RASA1: variants seen among roughly 807,000 people sequenced by gnomAD.
RASA1 encodes the protein ras GTPase-activating protein 1.
In RASA1, 25 loss-of-function variants were observed where a neutral mutation model predicts 132.2. The observed-to-expected ratio is 0.19, with a 90% confidence interval of 0.14 to 0.26. The LOEUF is 0.26. Ranked by LOEUF, RASA1 falls within the 10% of genes least tolerant of loss-of-function variation. RASA1 has a pLI of 1.00. For synonymous variants in RASA1, 477 were observed against 449.9 expected, an observed-to-expected ratio of 1.06 and a Z score of -0.76; for missense variants, 964 against 1,299.2, an observed-to-expected ratio of 0.74 and a Z score of 3.97.
rs377157069 is a variant in RASA1, at chr5:87,269,626, A to G, written c.539+636A>G. 2.6e-5 allele frequency among the ~76,000 whole-genome samples: 4 copies of G among 152,326 alleles called. No individual in the cohort carries two copies. In the South Asian group the frequency reaches 8.3e-4, roughly 32 times the overall value. ...ATGTATCTTCTTCCATAGGCTTGCCACTTAATATTAACGCACTGCTTTTAT... is the reference window on the plus strand; with the variant it reads ...ATGTATCTTCTTCCATAGGCTTGCCGCTTAATATTAACGCACTGCTTTTAT... On this transcript the variant is annotated intron_variant, in intron 1 of 24. Coordinates refer to ENST00000274376, the MANE Select transcript of RASA1 (RefSeq NM_002890.3).
intron 1 of RASA1, among the ~76,000 whole-genome samples, chr5:87,270,052 G>C (rs1189821950): frequency 6.6e-6 from 1 of 151,894 alleles, no homozygotes; most frequent in African/African-American, 2.4e-5. Context: ...GACCAACCTG[G>C]CCAACCTGGT....
chr5:87,276,586 A>G (rs572337262), intron 1 of RASA1, among the ~76,000 whole-genome samples: 2 of 152,292 alleles, frequency 1.3e-5, no homozygotes, highest in South Asian at 2.1e-4. Context: ...GGGAAATAAG[A>G]TGATAAAAGT....
chr5:87,374,410 G>A, intron 14 of RASA1, 90 bp downstream of exon 14: 1 of 1,076,158 alleles, frequency 9.3e-7, no homozygotes. Context: ...TAAACCATCA[G>A]AACAAGGTAC....
chr5:87,316,307 T>G (rs998373147), intron 1 of RASA1, among the ~76,000 whole-genome samples: 7 of 152,176 alleles, frequency 4.6e-5, no homozygotes, highest in Non-Finnish European at 1.0e-4. Flanking sequence ...GAGGGCCAGT[T>G]GGTTTCAGAA....
chr5:87,308,403 A>G (rs1561269796), intron 1 of RASA1, among the ~76,000 whole-genome samples: 2 of 152,100 alleles, frequency 1.3e-5, no homozygotes, highest in Admixed American at 6.5e-5. Context: ...GGATGATTTA[A>G]ACAGACTGAT....
At chr5:87,361,672 T>A (rs1760103285) in intron 9 of RASA1, among the ~76,000 whole-genome samples, 1 of 152,180 alleles carries the variant, frequency 6.6e-6, no homozygotes, top group South Asian at 2.1e-4. Context: ...TTAATGTAAG[T>A]TCTGCTATAA....
At chr5:87,280,604 C>T (rs982263492) in intron 1 of RASA1, among the ~76,000 whole-genome samples, 4 of 152,180 alleles carry the variant, frequency 2.6e-5, no homozygotes, top group Admixed American at 6.5e-5. Flanking sequence ...TGAGCCACCT[C>T]GCCCAGCTTG....
At chr5:87,306,238 C>A (rs1755603651) in intron 1 of RASA1, among the ~76,000 whole-genome samples, 1 of 152,098 alleles carries the variant, frequency 6.6e-6, no homozygotes, top group Non-Finnish European at 1.5e-5. Flanking sequence ...CAATAATAGA[C>A]TGGATAAAGA....
At chr5:87,326,272 C>T (rs1757223548) in intron 1 of RASA1, among the ~76,000 whole-genome samples, 1 of 152,102 alleles carries the variant, frequency 6.6e-6, no homozygotes, top group Non-Finnish European at 1.5e-5. Context: ...CGCCTGGCCA[C>T]AGCACACATT....
chr5:87,372,055 CTGA>C, intron 12 of RASA1, 60 bp from the exon 13 acceptor site: 1 of 1,350,726 alleles, frequency 7.4e-7, no homozygotes, highest in Non-Finnish European at 1.0e-6. Context: ...AAAAACCTAA[CTGA>C]TGATTTGGAA....
chr5:87,287,762 G>GCCATATATATACACA (rs1274790274), intron 1 of RASA1, among the ~76,000 whole-genome samples: 3,832 of 83,806 alleles, frequency 0.046, 1,115 homozygotes, highest in African/African-American at 0.053. Flanking sequence ...TTATGTACAC[G>GCCATATATATACACA]CCATAGATAT....
At position 87,372,141 on chromosome 5, in the gene RASA1, A is replaced by G. The variant is rs200157130; in HGVS notation, c.1722A>G (p.Ala574=). 5.3e-5 allele frequency: 86 copies of G among 1,613,658 alleles called. No individual in the cohort carries two copies. In the Middle Eastern group the frequency reaches 1.2e-3, roughly 22 times the overall value. ...AGGATTGGATGAAAGGTCTGCAGGC[A>G]TTTTGCAATTTACGGAAAAGTAGTC... ...QAEDWMKGLQ[A]FCNLRKSSPG... Residue 574 remains alanine, a synonymous_variant, in exon 13 of 25, where the codon GCA becomes GCG. Transcript: ENST00000274376.
At chr5:87,277,593 G>T (rs77705264) in intron 1 of RASA1, among the ~76,000 whole-genome samples, 111 of 152,270 alleles carry the variant, frequency 7.3e-4, no homozygotes, top group Middle Eastern at 3.4e-3. Context: ...CCAGCATGCA[G>T]AACTGTGAAA....
At chr5:87,292,106 C>G (rs573566081) in intron 1 of RASA1, among the ~76,000 whole-genome samples, 27 of 152,168 alleles carry the variant, frequency 1.8e-4, no homozygotes, top group African/African-American at 6.0e-4. Context: ...TATTTTTCTC[C>G]CAGTCTATGG....
intron 1 of RASA1, among the ~76,000 whole-genome samples, chr5:87,302,346 C>G (rs193260791): frequency 6.6e-6 from 1 of 151,988 alleles, no homozygotes; most frequent in Non-Finnish European, 1.5e-5. Context: ...TCTATAACCT[C>G]TTTCATGAAG....
intron 13 of RASA1, 31 bp from the exon 14 acceptor site, chr5:87,374,132 A>AATAT (rs145638178): frequency 1.1e-5 from 13 of 1,211,384 alleles, no homozygotes; most frequent in Admixed American, 3.6e-5. Flanking sequence ...AATCTGGGGT[A>AATAT]ATATATATAT....
chr5:87,376,765 C>T, intron 16 of RASA1, 116 bp from the exon 17 acceptor site: 1 of 1,225,662 alleles, frequency 8.2e-7, no homozygotes, highest in Non-Finnish European at 1.2e-6. Flanking sequence ...TAAATTTATT[C>T]AATGGGACAT....
chr5:87,309,827 A>G (rs1446358190), intron 1 of RASA1, among the ~76,000 whole-genome samples: 1 of 152,080 alleles, frequency 6.6e-6, no homozygotes, highest in Non-Finnish European at 1.5e-5. Flanking sequence ...TTAATTTGGC[A>G]TGGTTTGGGA....
chr5:87,348,796 T>C (rs1173052236), intron 7 of RASA1, among the ~76,000 whole-genome samples: 2 of 151,726 alleles, frequency 1.3e-5, no homozygotes, highest in African/African-American at 4.9e-5. Context: ...AAAACATTGA[T>C]TAAGCACAGA....
Sources: allele counts gnomAD v4.1 joint callset (sites outside exome capture counted in the v4.1 genomes callset), GRCh38; gene constraint gnomAD v4.1.1; transcripts MANE v1.5; gene names NCBI Gene and HGNC (gene_info 2026-07-23, HGNC 2026-07-21).